The following ARVCF variants were observed in gnomAD, a reference collection of about 807,000 sequenced individuals.
ARVCF encodes the protein ARVCF delta catenin family member, also known as splicing regulator ARVCF.
A neutral mutation model predicts 90.9 loss-of-function variants in ARVCF; 66 were observed. The ratio of observed to expected loss-of-function variants is 0.73; its 90% CI spans 0.60 to 0.89. ARVCF has a LOEUF of 0.89. ARVCF is among the 40% of genes least tolerant of loss of function. The pLI is 0.00. For synonymous variants in ARVCF, 653 were observed against 603.4 expected, an observed-to-expected ratio of 1.08 and a Z score of -1.21; for missense variants, 1,469 against 1,382.3, an observed-to-expected ratio of 1.06 and a Z score of -1.00.
chr22:19,970,600 G>A lies in ARVCF; in HGVS notation c.*156C>T. 5 of 1,256,760 alleles carry A rather than the reference G, an allele frequency of 4.0e-6. No individual in the cohort carries two copies. In the South Asian group the frequency reaches 6.7e-5, roughly 17 times the overall value. The allele number at this position is 1,256,760 out of a possible 1,614,324, so 77.9% of individuals were successfully genotyped here. On this transcript the variant is annotated 3_prime_UTR_variant, in exon 20 of 20. Transcript: ENST00000263207. Reference sequence around the variant, plus strand: ...GGGGGAGTGGGGTGGGGGGGCAGGAGGGTGTCCCCAAAGTCAGGCTTGGCT... The same window carrying A: ...GGGGGAGTGGGGTGGGGGGGCAGGAAGGTGTCCCCAAAGTCAGGCTTGGCT...
At chr22:19,968,827 C>T, downstream of ARVCF, 1 of 1,283,918 alleles carries the variant, frequency 7.8e-7, no homozygotes, top group South Asian at 1.3e-5. Context: ...CGGCTCCGGG[C>T]TGTGTCCTAA....
chr22:19,970,573 TG>T lies in ARVCF; in HGVS notation c.*182del. 2 of 363,900 alleles carry T rather than the reference TG, an allele frequency of 5.5e-6. No homozygotes were observed. The highest frequency in any genetic ancestry group is 4.5e-6 in the Non-Finnish European group (1 of 224,328). The allele number at this position is 363,900 out of a possible 1,614,324, so 22.5% of individuals were successfully genotyped here. ...CTCAGGCCTAGGGAGTTAGGTAGGA[TG>T]GGGGGAGTGGGGTGGGGGGGCAGGA... On this transcript the variant is annotated 3_prime_UTR_variant, in exon 20 of 20. Coordinates refer to ENST00000263207, the MANE Select transcript of ARVCF (RefSeq NM_001670.3).
downstream of ARVCF, chr22:19,968,508 C>A (rs1457902843): frequency 1.2e-6 from 2 of 1,608,262 alleles, no homozygotes. Flanking sequence ...CTGACCCTCA[C>A]CTCCCCCACC....
intron 3 of ARVCF, among the ~76,000 whole-genome samples, chr22:19,982,718 A>T (rs1224525224): frequency 6.6e-6 from 1 of 152,202 alleles, no homozygotes; most frequent in East Asian, 1.9e-4. Flanking sequence ...CACCTGCAGC[A>T]CCAGTATGTC....
intron 13 of ARVCF, 151 bp downstream of exon 13, chr22:19,973,492 G>GA (rs1601574797): frequency 1.3e-5 from 18 of 1,365,184 alleles, no homozygotes; most frequent in Non-Finnish European, 1.8e-5. Context: ...AGGGCCGGGG[G>GA]GACTGGAGCT....
chr22:19,970,875 G>T, intron 19 of ARVCF, 132 bp from the exon 20 acceptor site: 1 of 1,177,836 alleles, frequency 8.5e-7, no homozygotes, highest in South Asian at 1.4e-5. Context: ...TGCCCTGGGT[G>T]GTGTGGGCTG....
downstream of ARVCF, chr22:19,968,517 C>T (rs774375300): frequency 1.1e-5 from 17 of 1,609,492 alleles, no homozygotes; most frequent in Non-Finnish European, 1.4e-5. Flanking sequence ...ACCTCCCCCA[C>T]CCCCCGGTCT....
chr22:19,973,297 G>A lies in ARVCF; in HGVS notation c.2260C>T (p.Leu754Phe). 1 of 1,602,760 alleles carries A rather than the reference G, an allele frequency of 6.2e-7. No homozygotes were observed. Among genetic ancestry groups the A allele is most frequent in the Non-Finnish European group, 8.5e-7 (1 of 1,177,906 alleles). The change falls in exon 14 of 20, where the codon CTT becomes TTT. Residue 754 changes from leucine (L) to phenylalanine (F), a missense_variant. Physicochemically the swap from Leu to Phe is conservative, Grantham distance 22 (BLOSUM62 0). Coordinates refer to ENST00000263207, the MANE Select transcript of ARVCF (RefSeq NM_001670.3). ...TGTGCATTGCGCACATTCCGCACAA[G>A]CTCAGCCATGGCGTAGCTCCCTGAG... is the stretch of plus-strand genomic sequence containing the variant. Reference protein sequence around the residue: ...DLIGSYAMAELVRNVRNAQAP... With the variant: ...DLIGSYAMAEFVRNVRNAQAP...
In ARVCF at chr22:19,978,014, C is replaced by T; in HGVS notation, c.1642G>A (p.Asp548Asn). 1 of 1,612,252 alleles carries T rather than the reference C, an allele frequency of 6.2e-7. No homozygotes were observed. Among genetic ancestry groups the T allele is most frequent in the Non-Finnish European group, 8.5e-7 (1 of 1,179,648 alleles). The change falls in exon 8 of 20, where the codon GAC becomes AAC. Residue 548 changes from aspartate to asparagine, a missense_variant. Physicochemically the swap from Asp to Asn is conservative, Grantham distance 23 (BLOSUM62 1). Transcript: ENST00000263207. ...GACTGCAGGGCATGCAGGAGCGCGT[C>T]CACCAGCCCTTCACACTCCCGGAGT... ...RRLRECEGLVDALLHALQSAV... is the reference protein window; with the variant it reads ...RRLRECEGLVNALLHALQSAV...
At chr22:19,979,656 C>A in intron 6 of ARVCF, 87 bp downstream of exon 6, 1 of 1,466,618 alleles carries the variant, frequency 6.8e-7, no homozygotes, top group Non-Finnish European at 9.0e-7. Context: ...CCCAGGCGGT[C>A]GCAGGCCGAG....
chr22:19,990,268 C>G (rs1943974960), intron 3 of ARVCF, among the ~76,000 whole-genome samples: 1 of 152,206 alleles, frequency 6.6e-6, no homozygotes, highest in Non-Finnish European at 1.5e-5. Flanking sequence ...AGGCATGGTG[C>G]AGGCAAACCC....
At chr22:19,971,487 C>T in intron 18 of ARVCF, 152 bp from the exon 19 acceptor site, 2 of 995,998 alleles carry the variant, frequency 2.0e-6, no homozygotes, top group South Asian at 1.7e-5. Flanking sequence ...GAGCCGGAAA[C>T]GTGTGGCTCA....
chr22:19,996,224 T>C (rs1399055373), intron 2 of ARVCF, among the ~76,000 whole-genome samples: 1 of 151,640 alleles, frequency 6.6e-6, no homozygotes, highest in Non-Finnish European at 1.5e-5. Flanking sequence ...GGGCTGGGGA[T>C]GACTGTTCTC....
At chr22:19,977,859 A>G (rs1379941061) in intron 8 of ARVCF, 99 bp downstream of exon 8, 40 of 1,363,888 alleles carry the variant, frequency 2.9e-5, no homozygotes, top group Non-Finnish European at 3.5e-5. Flanking sequence ...CAGACCCACA[A>G]GCCCATTCCC....
intron 2 of ARVCF, among the ~76,000 whole-genome samples, chr22:19,998,793 G>A (rs926844305): frequency 2.6e-5 from 4 of 152,174 alleles, no homozygotes; most frequent in African/African-American, 4.8e-5. Context: ...GCCGTGAGAC[G>A]GCAGGTCAGA....
intron 8 of ARVCF, 49 bp downstream of exon 8, chr22:19,977,909 T>A: frequency 6.5e-7 from 1 of 1,543,294 alleles, no homozygotes; most frequent in South Asian, 1.2e-5. Context: ...GGGACCTGCA[T>A]GATCGTCTCT....
In ARVCF at chr22:19,970,413, C is replaced by T; in HGVS notation, c.*343G>A. The T allele has an allele frequency of 9.3e-7, 1 of 1,072,402 alleles. No homozygotes were observed. The allele number at this position is 1,072,402 out of a possible 1,614,324, so 66.4% of individuals were successfully genotyped here. On this transcript the variant is annotated 3_prime_UTR_variant, in exon 20 of 20. Transcript: ENST00000263207. ...GCACTGTGTTCCCAGGGGCACCCTCCTATCCCACCAGCCCCAAAGCCCAGC... is the reference window on the plus strand; with the variant it reads ...GCACTGTGTTCCCAGGGGCACCCTCTTATCCCACCAGCCCCAAAGCCCAGC...
At chr22:19,965,720 G>A (rs1942355878), downstream of ARVCF, 1 of 152,348 alleles carries the variant, frequency 6.6e-6, no homozygotes, top group Non-Finnish European at 1.5e-5. Flanking sequence ...GTGTGGAGAG[G>A]GCTGTGGGGA....
At chr22:19,997,573 A>T (rs1944297316) in intron 2 of ARVCF, among the ~76,000 whole-genome samples, 1 of 152,206 alleles carries the variant, frequency 6.6e-6, no homozygotes, top group Non-Finnish European at 1.5e-5. Context: ...CTACAGCTGC[A>T]GCAGTGGGTG....
Sources: gnomAD v4.1 joint callset for allele counts (sites outside exome capture counted in the v4.1 genomes callset) on GRCh38, gnomAD v4.1.1 for gene constraint, MANE v1.5 for transcripts, NCBI Gene and HGNC (gene_info 2026-07-23, HGNC 2026-07-21) for gene names.